Variants in UFL1 observed in about 807,000 individuals in gnomAD.
UFL1 encodes E3 UFM1-protein ligase 1.
A neutral mutation model predicts 99.3 loss-of-function variants in UFL1; 78 were observed. That is an observed-to-expected ratio of 0.79 (90% CI 0.65 to 0.95). The LOEUF (loss-of-function observed/expected upper bound fraction) is 0.95, where lower values mean the gene tolerates loss of function less well. UFL1 is among the 40% of genes least tolerant of loss of function. The pLI is 0.00. For missense variants in UFL1, 936 were observed against 937.0 expected (o/e 1.00, Z 0.01); for synonymous variants, 335 against 322.2 (o/e 1.04, Z -0.42).
At chr6:96,532,790 G>A (rs1769800339) in intron 6 of UFL1, among the ~76,000 whole-genome samples, 1 of 152,048 alleles carries the variant, frequency 6.6e-6, no homozygotes, top group Middle Eastern at 3.4e-3. Context: ...TTTTTTCTTT[G>A]TAAATTACCC....
intron 12 of UFL1, among the ~76,000 whole-genome samples, chr6:96,546,723 C>T (rs1452690380): frequency 6.6e-6 from 1 of 151,578 alleles, no homozygotes; most frequent in Non-Finnish European, 1.5e-5. Context: ...ATATCTACAA[C>T]CAACTGATCT....
chr6:96,548,507 G>A (rs910199733), intron 13 of UFL1, among the ~76,000 whole-genome samples: 2 of 151,572 alleles, frequency 1.3e-5, no homozygotes, highest in Non-Finnish European at 3.0e-5. Context: ...ATAAAAGGCA[G>A]GAGCGAGAAA....
At chr6:96,525,650 C>T (rs1368901460) in intron 4 of UFL1, among the ~76,000 whole-genome samples, 2 of 135,024 alleles carry the variant, frequency 1.5e-5, no homozygotes, top group Admixed American at 7.8e-5. Flanking sequence ...GACCAGCCTA[C>T]GTAACATAGC....
rs1770100187 is a variant in UFL1, at chr6:96,552,681, A to G, written c.2166+19A>G. ...TCCAGAGGTATTACATTTTCAATAC[A>G]CTTGAAACTTTCAAAGATTTACATT... On this transcript the variant is annotated intron_variant, in intron 18 of 18. Transcript: ENST00000369278. 1.9e-6 allele frequency: 3 copies of G among 1,568,476 alleles called. No homozygotes were observed. The East Asian group carries it at 6.8e-5, about 35-fold the overall frequency.
Position 96,543,030 on chromosome 6 carries a change from C to T in UFL1, c.1402+14C>T. The T allele has an allele frequency of 6.3e-7, 1 of 1,582,232 alleles. No homozygotes were observed. Among genetic ancestry groups the T allele is most frequent in the Non-Finnish European group, 8.6e-7 (1 of 1,165,050 alleles). On this transcript the variant is annotated intron_variant, in intron 12 of 18. Coordinates refer to ENST00000369278, the MANE Select transcript of UFL1 (RefSeq NM_015323.5). ...CATCCCACACTGGTAGGTAGCTTTT[C>T]TTTACTTTTCCTTGGTGTATGTGTG...
In UFL1 at chr6:96,524,490, G is replaced by T. The variant is rs1188236874; in HGVS notation, c.252+80G>T. 2.8e-6 allele frequency: 3 copies of T among 1,069,370 alleles called. No individual in the cohort carries two copies. In the African/African-American group the frequency reaches 4.9e-5, roughly 18 times the overall value. The allele number at this position is 1,069,370 out of a possible 1,614,324, so 66.2% of individuals were successfully genotyped here. A position where few individuals can be genotyped will look rare whatever the true frequency, so the allele number is the denominator to read the frequency against. On this transcript the variant is annotated intron_variant, in intron 3 of 18. Transcript: ENST00000369278. ...TGAATTTGTTCAAGTATTCACTAAT[G>T]CTGGTATCATATTTTGTGTAGTGTT...
At chr6:96,535,893 G>A (rs979346179) in intron 7 of UFL1, among the ~76,000 whole-genome samples, 7 of 151,972 alleles carry the variant, frequency 4.6e-5, no homozygotes, top group Non-Finnish European at 1.0e-4. Flanking sequence ...TTCTTGAAGT[G>A]TTTTATCATC....
At chr6:96,530,696 T>G (rs1387854671) in intron 6 of UFL1, among the ~76,000 whole-genome samples, 1 of 152,216 alleles carries the variant, frequency 6.6e-6, no homozygotes, top group Non-Finnish European at 1.5e-5. Context: ...TGAAACTTTC[T>G]TTTCTTTCTG....
At position 96,552,543 on chromosome 6, in the gene UFL1, G is replaced by A; in HGVS notation, c.2047G>A (p.Ala683Thr). The A allele has an allele frequency of 6.2e-7, 1 of 1,612,206 alleles. No individual in the cohort carries two copies. Among genetic ancestry groups the A allele is most frequent in the Non-Finnish European group, 8.5e-7 (1 of 1,179,372 alleles). Reference protein sequence around the residue: ...AEQLKVTEDPALILHLTSVLL... With the variant: ...AEQLKVTEDPTLILHLTSVLL... ...ACAGCTAAAGGTCACAGAAGACCCT[G>A]CTCTTATTCTGCACCTCACATCAGT... The change falls in exon 18 of 19, where the codon GCT becomes ACT. Residue 683 changes from alanine (A) to threonine (T), a missense_variant. Transcript: ENST00000369278.
intron 9 of UFL1, among the ~76,000 whole-genome samples, chr6:96,538,070 T>TTC (rs1236317718): frequency 1.3e-5 from 2 of 151,526 alleles, no homozygotes; most frequent in Non-Finnish European, 2.9e-5. Flanking sequence ...AAAGCAGAAA[T>TTC]TCTCTGTTTT....
intron 8 of UFL1, among the ~76,000 whole-genome samples, chr6:96,536,990 T>C (rs1769863092): frequency 6.6e-6 from 1 of 150,876 alleles, no homozygotes; most frequent in Non-Finnish European, 1.5e-5. Context: ...ATATATAAGA[T>C]ATATATACAC....
intron 7 of UFL1, 51 bp downstream of exon 7, chr6:96,534,372 T>C (rs779913871): frequency 3.1e-6 from 4 of 1,299,166 alleles, no homozygotes; most frequent in Non-Finnish European, 3.2e-6. Flanking sequence ...AATAGACTAT[T>C]AATGTAAAAC....
rs771601158 is a variant in UFL1 at position 96,523,241 on chromosome 6, C to G, written c.173C>G (p.Thr58Ser). ...VHTLDGKEYI[T>S]PAQISKEMRD... ...ACACTCGATGGAAAGGAATATATTA[C>G]TCCAGCCCAAATTAGTAAAGAAATG... The change falls in exon 2 of 19, where the codon ACT (threonine) becomes AGT (serine). Residue 58 changes from threonine to serine, a missense_variant. By Grantham distance (58) the Thr-to-Ser change is moderately conservative (BLOSUM62 1). Coordinates refer to ENST00000369278, the MANE Select transcript of UFL1 (RefSeq NM_015323.5). The G allele has an allele frequency of 6.2e-7, 1 of 1,611,774 alleles. No individual in the cohort carries two copies. Among genetic ancestry groups the G allele is most frequent in the Non-Finnish European group, 8.5e-7 (1 of 1,179,054 alleles).
intron 2 of UFL1, 109 bp from the exon 3 acceptor site, chr6:96,524,273 C>G (rs1033418438): frequency 1.7e-4 from 163 of 938,080 alleles, no homozygotes; most frequent in Non-Finnish European, 2.5e-4. Context: ...TATTCTGGCT[C>G]TCTGTTCTAT....
intron 5 of UFL1, 115 bp from the exon 6 acceptor site, chr6:96,528,387 T>G: frequency 7.9e-7 from 1 of 1,263,878 alleles, no homozygotes; most frequent in Non-Finnish European, 1.1e-6. Context: ...TGTTGAAACT[T>G]CTCAATCACA....
intron 11 of UFL1, 33 bp downstream of exon 11, chr6:96,540,688 T>C (rs1216026453): frequency 1.3e-6 from 2 of 1,581,144 alleles, no homozygotes; most frequent in African/African-American, 2.8e-5. Context: ...TATTCAAAGT[T>C]TTGTATTTGT....
intron 11 of UFL1, among the ~76,000 whole-genome samples, chr6:96,541,658 C>A (rs1769933303): frequency 6.6e-6 from 1 of 151,272 alleles, no homozygotes; most frequent in South Asian, 2.1e-4. Flanking sequence ...GATATTTTAT[C>A]ATATATTTGA....
At chr6:96,529,033 C>T (rs1297013799) in intron 6 of UFL1, among the ~76,000 whole-genome samples, 3 of 152,208 alleles carry the variant, frequency 2.0e-5, no homozygotes, top group East Asian at 1.9e-4. Flanking sequence ...ATAAGTCAGT[C>T]ACCTAACTTC....
intron 17 of UFL1, 86 bp from the exon 18 acceptor site, chr6:96,552,396 A>G (rs1770093749): frequency 7.1e-7 from 1 of 1,400,574 alleles, no homozygotes; most frequent in Non-Finnish European, 9.4e-7. Flanking sequence ...TAGAGAAGCT[A>G]AAAATTAACA....
Sources: gnomAD v4.1 joint callset for allele counts (sites outside exome capture counted in the v4.1 genomes callset) on GRCh38, gnomAD v4.1.1 for gene constraint, MANE v1.5 for transcripts, NCBI Gene and HGNC (gene_info 2026-07-23, HGNC 2026-07-21) for gene names.